Variants in AACS observed in about 807,000 individuals in gnomAD.
AACS encodes the protein acetoacetyl-CoA synthetase.
Under a neutral mutation model 83.1 loss-of-function variants are expected in AACS, and 69 were observed. That is an observed-to-expected ratio of 0.83 (90% CI 0.68 to 1.01). The LOEUF (loss-of-function observed/expected upper bound fraction) is 1.01. Ranked by LOEUF, AACS falls within the 50% of genes least tolerant of loss-of-function variation. The pLI is 0.00. For missense variants in AACS, 866 were observed against 882.2 expected (o/e 0.98, Z 0.23); for synonymous variants, 333 against 343.4 (o/e 0.97, Z 0.33).
In AACS at chr12:125,140,055, A is replaced by T. The variant is rs529691222; in HGVS notation, c.1882-2037A>T. ...TCAGCTCTGCCTTCTGCTCACCCAG[A>T]ATAAAGACCTGGGGACCCCGCGAGG... On this transcript the variant is annotated intron_variant, in intron 17 of 17. Coordinates refer to ENST00000316519, the MANE Select transcript of AACS (RefSeq NM_023928.5). The surrounding 1 kb of genome is among the most constrained non-coding windows in gnomAD (Gnocchi z 5.1). 36 of 152,274 alleles carry T rather than the reference A, an allele frequency of 2.4e-4. No homozygotes were observed. Among genetic ancestry groups the T allele is most frequent in the Non-Finnish European group, 1.5e-5 (1 of 68,046 alleles). 9.4% of individuals were successfully genotyped at this position (152,274 alleles called of 1,614,324 possible). A position where few individuals can be genotyped will look rare whatever the true frequency, so the allele number is the denominator to read the frequency against.
At chr12:125,139,413 T>C (rs907204066) in intron 17 of AACS, 1 of 152,442 alleles carries the variant, frequency 6.6e-6, no homozygotes, top group African/African-American at 2.4e-5. Context: ...GTCACTTAGC[T>C]CTGGCCCCCC....
At chr12:125,095,239 C>T (rs1360708734) in intron 5 of AACS, among the ~76,000 whole-genome samples, 3 of 152,138 alleles carry the variant, frequency 2.0e-5, no homozygotes, top group East Asian at 1.9e-4. Context: ...TTTGGATGCT[C>T]GAGATCTTGA....
At chr12:125,116,753 C>A (rs891022187) in intron 9 of AACS, among the ~76,000 whole-genome samples, 2 of 152,162 alleles carry the variant, frequency 1.3e-5, no homozygotes, top group Admixed American at 1.3e-4. Flanking sequence ...GCATGAGCCA[C>A]CGCGCCCGGC....
intron 1 of AACS, among the ~76,000 whole-genome samples, chr12:125,069,346 C>T (rs1955796201): frequency 6.6e-6 from 1 of 152,240 alleles, no homozygotes; most frequent in Admixed American, 6.5e-5. Context: ...CCCACTCCGG[C>T]CGCCTCTCCG....
chr12:125,102,690 C>A lies in AACS; in HGVS notation c.582C>A (p.Asp194Glu). The change falls in exon 6 of 18, where the codon GAC (aspartate) becomes GAA (glutamate). Residue 194 changes from aspartate to glutamate, a missense_variant. By Grantham distance (45) the Asp-to-Glu change is conservative. Coordinates refer to ENST00000316519, the MANE Select transcript of AACS (RefSeq NM_023928.5). ...CCTCCTGCTTTCAGGGTGTGCTGGA[C>A]CGGTTTTCTCAAATTCAGCCAAAGC... Reference protein sequence around the residue: ...SPDFGVNGVLDRFSQIQPKLI... With the variant: ...SPDFGVNGVLERFSQIQPKLI... The A allele has an allele frequency of 6.2e-7, 1 of 1,613,954 alleles. No individual in the cohort carries two copies. Among genetic ancestry groups the A allele is most frequent in the Non-Finnish European group, 8.5e-7 (1 of 1,179,904 alleles).
At chr12:125,077,458 T>C (rs1035447265) in intron 3 of AACS, among the ~76,000 whole-genome samples, 1 of 146,636 alleles carries the variant, frequency 6.8e-6, no homozygotes, top group Non-Finnish European at 1.5e-5. Context: ...TGCAGTGAGC[T>C]GAGATTGCGC....
At position 125,129,345 on chromosome 12, in the gene AACS, C is replaced by A; in HGVS notation, c.1434C>A (p.Val478=). The A allele has an allele frequency of 6.2e-7, 1 of 1,612,998 alleles. No individual in the cohort carries two copies. Among genetic ancestry groups the A allele is most frequent in the East Asian group, 2.2e-5 (1 of 44,812 alleles). ...VEAWNEEGKA[V]WGESGELVCT... ...ATTCTCCCATACCAGGAAAGGCGGT[C>A]TGGGGAGAGAGCGGCGAGCTGGTGT... Residue 478 remains valine (V), a synonymous_variant, in exon 14 of 18, where the codon GTC becomes GTA. Transcript: ENST00000316519. This position sits in a 1 kb window ranked among gnomAD's most constrained non-coding sequence, Gnocchi z 4.3.
chr12:125,093,032 G>C (rs1011850750), intron 5 of AACS, among the ~76,000 whole-genome samples: 1 of 152,220 alleles, frequency 6.6e-6, no homozygotes, highest in Non-Finnish European at 1.5e-5. Context: ...AATGGCAGCA[G>C]TGTTAGTGCA....
chr12:125,139,418 C>G (rs1463677736), intron 17 of AACS: 2 of 152,432 alleles, frequency 1.3e-5, no homozygotes, highest in African/African-American at 4.8e-5. Flanking sequence ...TTAGCTCTGG[C>G]CCCCCCTCTG....
In AACS at chr12:125,113,556, G is replaced by T. The variant is rs1956993309; in HGVS notation, c.916-921G>T. On this transcript the variant is annotated intron_variant, in intron 8 of 17. Transcript: ENST00000316519. This position sits in a 1 kb window ranked among gnomAD's most constrained non-coding sequence, Gnocchi z 4.8. ...CTGCCCCTGCCAGACACACAGAGTT[G>T]CTTGGAACAAGTGTGTTCTGGGCAG... 6.6e-6 allele frequency among the ~76,000 whole-genome samples: 1 copy of T among 152,254 alleles called. No homozygotes were observed. Among genetic ancestry groups the T allele is most frequent in the African/African-American group, 2.4e-5 (1 of 41,472 alleles).
rs370216434 is a variant in AACS at position 125,093,544 on chromosome 12, C to T, written c.570+2021C>T. ...GGTCTCGGGGACACTGCTTCCTGGCCGGGGTTGGTCCAGGGTTTTCTGGAA... is the reference window on the plus strand; with the variant it reads ...GGTCTCGGGGACACTGCTTCCTGGCTGGGGTTGGTCCAGGGTTTTCTGGAA... On this transcript the variant is annotated intron_variant, in intron 5 of 17. Coordinates refer to ENST00000316519, the MANE Select transcript of AACS (RefSeq NM_023928.5). 1.8e-4 allele frequency among the ~76,000 whole-genome samples: 28 copies of T among 152,322 alleles called. 1 individual carries two copies. The highest frequency in any genetic ancestry group is 6.5e-4 in the African/African-American group (27 of 41,568).
chr12:125,111,768 C>A (rs990894060), intron 8 of AACS, among the ~76,000 whole-genome samples: 1 of 152,156 alleles, frequency 6.6e-6, no homozygotes, highest in African/African-American at 2.4e-5. Flanking sequence ...TACTCTCCTG[C>A]GCTGAGACCC....
At chr12:125,106,048 G>A (rs1956827097) in intron 7 of AACS, among the ~76,000 whole-genome samples, 1 of 152,186 alleles carries the variant, frequency 6.6e-6, no homozygotes, top group African/African-American at 2.4e-5. Flanking sequence ...TTCCCCAGGA[G>A]AAACCTTTAT....
At chr12:125,090,128 TATCATCCATCACCATCATCC>T (rs1277230894) in intron 4 of AACS, among the ~76,000 whole-genome samples, 1 of 6,776 alleles carries the variant, frequency 1.5e-4, no homozygotes. Context: ...ATCTTCCATT[TATCATCCATCACCATCATCC>T]ATCCATCTAT....
chr12:125,081,385 C>A (rs113303381), intron 3 of AACS, among the ~76,000 whole-genome samples: 1 of 152,192 alleles, frequency 6.6e-6, no homozygotes, highest in Non-Finnish European at 1.5e-5. Context: ...GTTTACAAAT[C>A]GCATCCCTTA....
chr12:125,125,726 AATTG>A (rs1565951368), intron 12 of AACS: 1 of 152,342 alleles, frequency 6.6e-6, no homozygotes, highest in South Asian at 2.1e-4. Context: ...AGCAGAAGGA[AATTG>A]ATTGAATAAT....
intron 7 of AACS, among the ~76,000 whole-genome samples, chr12:125,104,548 C>T (rs1956791619): frequency 6.6e-6 from 1 of 152,136 alleles, no homozygotes; most frequent in Non-Finnish European, 1.5e-5. Context: ...GGCCTGGGTG[C>T]TTCCCTGTAG....
In AACS at chr12:125,124,780, C is replaced by G. The variant is rs1300648371; in HGVS notation, c.1186+11C>G. The stretch of plus-strand genomic sequence containing the variant: ...AGGCCATGAAGCCGGGTGAGTGTGC[C>G]TCTTCAGTACTCATTCCCTGTACTG... On this transcript the variant is annotated intron_variant, in intron 11 of 17. Transcript: ENST00000316519. The G allele has an allele frequency of 2.5e-6, 4 of 1,614,080 alleles. No individual in the cohort carries two copies. The African/African-American group carries it at 5.3e-5, about 22-fold the overall frequency.
chr12:125,101,045 G>A (rs1210994698), intron 5 of AACS: 2 of 152,194 alleles, frequency 1.3e-5, no homozygotes, highest in Non-Finnish European at 2.9e-5. Flanking sequence ...CCTAGGTGTT[G>A]GTCTTGAACT....
Sources: gnomAD v4.1 joint callset for allele counts (sites outside exome capture counted in the v4.1 genomes callset) on GRCh38, gnomAD v4.1.1 for gene constraint, Gnocchi (gnomAD v3.1) non-coding constraint, MANE v1.5 for transcripts, NCBI Gene and HGNC (gene_info 2026-07-23, HGNC 2026-07-21) for gene names.